The following TBC1D30 variants were observed in gnomAD, a reference collection of about 807,000 sequenced individuals.
TBC1D30 encodes TBC1 domain family member 30, also known as TBC1 domain family, member 30.
A neutral mutation model predicts 63.2 loss-of-function variants in TBC1D30; 31 were observed. The observed-to-expected ratio is 0.49, with a 90% CI of 0.37 to 0.66. TBC1D30 has a LOEUF of 0.66. TBC1D30 is among the 30% of genes least tolerant of loss of function. TBC1D30 has a pLI of 0.00. For missense variants in TBC1D30, 810 were observed against 953.6 expected (o/e 0.85, Z 1.98); for synonymous variants, 307 against 361.5 (o/e 0.85, Z 1.71).
At chr12:64,855,617 A>T (rs1428923028) in intron 8 of TBC1D30, among the ~76,000 whole-genome samples, 1 of 152,160 alleles carries the variant, frequency 6.6e-6, no homozygotes, top group African/African-American at 2.4e-5. Context: ...AGAGACTCTG[A>T]TGCATTGTTC....
intron 3 of TBC1D30, 22 bp from the exon 4 acceptor site, chr12:64,830,355 C>T: frequency 4.0e-6 from 6 of 1,504,388 alleles, no homozygotes; most frequent in Non-Finnish European, 5.3e-6. Context: ...TGGCATTCTC[C>T]TTTGTCTATG....
At chr12:64,775,881 T>G (rs1871064075), upstream of TBC1D30, among the ~76,000 whole-genome samples, 1 of 152,142 alleles carries the variant, frequency 6.6e-6, no homozygotes, top group Non-Finnish European at 1.5e-5. Flanking sequence ...TAATCAGAAG[T>G]AAAACACCTC....
intron 9 of TBC1D30, among the ~76,000 whole-genome samples, chr12:64,866,081 T>A (rs1020786370): frequency 2.6e-5 from 4 of 152,096 alleles, no homozygotes; most frequent in African/African-American, 9.7e-5. Flanking sequence ...TGTTACCCAG[T>A]CTGGTCTTGA....
At chr12:64,786,168 A>T (rs774046448) in intron 2 of TBC1D30, 1 of 600,968 alleles carries the variant, frequency 1.7e-6, no homozygotes, top group Non-Finnish European at 2.4e-6. Context: ...TACCCTCAGA[A>T]CTAAGAACAA....
At position 64,864,787 on chromosome 12, in the gene TBC1D30, T is replaced by G. The variant is rs758389551; in HGVS notation, c.1151+7T>G. 6 of 1,521,192 alleles carry G rather than the reference T, an allele frequency of 3.9e-6. No individual in the cohort carries two copies. Among genetic ancestry groups the G allele is most frequent in the Non-Finnish European group, 5.3e-6 (6 of 1,134,148 alleles). The allele number at this position is 1,521,192 out of a possible 1,614,324, so 94.2% of individuals were successfully genotyped here. ...AACCCACCTCAGTTTCTGGGTAAGGTTTTTAAATTCCTTGTTGTTTTCATG... is the reference window on the plus strand; with the variant it reads ...AACCCACCTCAGTTTCTGGGTAAGGGTTTTAAATTCCTTGTTGTTTTCATG... On this transcript the variant is annotated splice_region_variant and intron_variant, in intron 9 of 11. Coordinates refer to ENST00000539867, the MANE Select transcript of TBC1D30 (RefSeq NM_015279.2).
intron 7 of TBC1D30, 150 bp from the exon 8 acceptor site, chr12:64,843,230 A>G (rs1187623687): frequency 4.7e-6 from 3 of 636,660 alleles, no homozygotes; most frequent in Non-Finnish European, 7.9e-6. Flanking sequence ...CCTGGCCTCA[A>G]GCAATCCTCC....
At chr12:64,819,069 T>C (rs1873728238) in intron 2 of TBC1D30, among the ~76,000 whole-genome samples, 1 of 152,208 alleles carries the variant, frequency 6.6e-6, no homozygotes, top group Admixed American at 6.5e-5. Flanking sequence ...CTGTATGACA[T>C]TCTGAGTGTG....
intron 2 of TBC1D30, among the ~76,000 whole-genome samples, chr12:64,798,462 T>C (rs1872407245): frequency 6.6e-6 from 1 of 152,214 alleles, no homozygotes. Context: ...TAGAATTATG[T>C]ATTTTTATGA....
chr12:64,805,228 A>T (rs960654197), intron 2 of TBC1D30, among the ~76,000 whole-genome samples: 2 of 152,118 alleles, frequency 1.3e-5, no homozygotes, highest in Non-Finnish European at 2.9e-5. Context: ...CAAAATAAAA[A>T]AGAGACTTCT....
intron 8 of TBC1D30, among the ~76,000 whole-genome samples, chr12:64,859,911 T>G (rs1340365607): frequency 6.6e-6 from 1 of 152,140 alleles, no homozygotes; most frequent in Non-Finnish European, 1.5e-5. Context: ...TTTGCCCATC[T>G]GGATGCCGCT....
intron 10 of TBC1D30, among the ~76,000 whole-genome samples, chr12:64,869,353 C>A (rs961174436): frequency 2.1e-4 from 32 of 152,188 alleles, no homozygotes; most frequent in African/African-American, 7.5e-4. Context: ...GTATTTCCTG[C>A]AAGCCTCAGC....
chr12:64,802,953 A>G (rs1332624890), intron 2 of TBC1D30, among the ~76,000 whole-genome samples: 2 of 152,170 alleles, frequency 1.3e-5, no homozygotes, highest in Non-Finnish European at 2.9e-5. Context: ...GCCGCAATAA[A>G]CATACGTGTG....
exon 1 of TBC1D30, chr12:64,780,743 C>G: frequency 1.0e-6 from 1 of 986,612 alleles, no homozygotes. Flanking sequence ...GCGCCTCCTC[C>G]CGGAACTGGC....
intron 1 of TBC1D30, 107 bp downstream of exon 1, chr12:64,825,140 C>A: frequency 7.2e-7 from 1 of 1,397,552 alleles, no homozygotes; most frequent in East Asian, 2.6e-5. Context: ...TGGGGAAAGT[C>A]CGCGTGCCAC....
At chr12:64,825,347 C>T in intron 1 of TBC1D30, 1 of 339,396 alleles carries the variant, frequency 2.9e-6, no homozygotes, top group Non-Finnish European at 5.4e-6. Context: ...GGTGGCTGCC[C>T]GGGCCCTCAG....
intron 1 of TBC1D30, among the ~76,000 whole-genome samples, chr12:64,769,403 A>G (rs1592523773): frequency 6.7e-6 from 1 of 149,262 alleles, no homozygotes; most frequent in Admixed American, 6.7e-5. Context: ...TTTGAGACGG[A>G]GTCTTGCTCT....
chr12:64,824,671 A>T lies in TBC1D30; in HGVS notation c.-209A>T. The T allele has an allele frequency of 1.7e-6, 1 of 592,954 alleles. No homozygotes were observed. The highest frequency in any genetic ancestry group is 2.8e-6 in the Non-Finnish European group (1 of 356,758). The allele number at this position is 592,954 out of a possible 1,614,324, so 36.7% of individuals were successfully genotyped here. A position where few individuals can be genotyped will look rare whatever the true frequency, so the allele number is the denominator to read the frequency against. On this transcript the variant is annotated 5_prime_UTR_variant, in exon 1 of 12. The change abolishes an upstream ATG in the 5' untranslated region. Coordinates refer to ENST00000539867, the MANE Select transcript of TBC1D30 (RefSeq NM_015279.2). The stretch of plus-strand genomic sequence containing the variant: ...CAGCCTTGCAGGCTCCGCACTGCAG[A>T]TGCCTGCTGGCTTCCCTGCGCTCGG...
intron 10 of TBC1D30, 143 bp downstream of exon 10, chr12:64,867,046 T>C: frequency 2.1e-6 from 2 of 948,896 alleles, no homozygotes; most frequent in South Asian, 3.8e-5. Flanking sequence ...TCATGGTGGG[T>C]CATGCCTGTA....
intron 1 of TBC1D30, among the ~76,000 whole-genome samples, chr12:64,782,487 GA>G (rs750663932): frequency 6.6e-6 from 1 of 151,766 alleles, no homozygotes; most frequent in Non-Finnish European, 1.5e-5. Context: ...TCATTTTATA[GA>G]ATTATTTGGT....
Sources: allele counts gnomAD v4.1 joint callset (sites outside exome capture counted in the v4.1 genomes callset), GRCh38; gene constraint gnomAD v4.1.1; transcripts MANE v1.5; gene names NCBI Gene and HGNC (gene_info 2026-07-23, HGNC 2026-07-21).